Variants in HPSE2 observed in about 807,000 individuals in gnomAD.
HPSE2 encodes inactive heparanase-2.
HPSE2 carries 38 observed loss-of-function variants against 60.5 expected under a neutral mutation model. The observed-to-expected ratio is 0.63, with a 90% CI of 0.48 to 0.82. The LOEUF (loss-of-function observed/expected upper bound fraction) is 0.82, where lower values mean the gene tolerates loss of function less well. HPSE2 is among the 40% of genes least tolerant of loss of function. HPSE2 has a pLI of 0.00. For missense variants in HPSE2, 713 were observed against 740.4 expected (o/e 0.96, Z 0.43); for synonymous variants, 295 against 293.2 (o/e 1.01, Z -0.06).
rs951023347 is a variant in HPSE2 at position 99,058,154 on chromosome 10, C to T, written c.610+86084G>A. On this transcript the variant is annotated intron_variant, in intron 3 of 11. Transcript: ENST00000370552. ...AGGGTTCCGGCAGAAAGGCAGATTG[C>T]CTGACTGGGAGAGATTCTCCACAGC... is the stretch of plus-strand genomic sequence containing the variant. Among the ~76,000 whole-genome samples, 11 of 152,270 alleles carry T rather than the reference C, an allele frequency of 7.2e-5. No individual in the cohort carries two copies. The East Asian group carries it at 1.7e-3, about 24-fold the overall frequency.
intron 3 of HPSE2, among the ~76,000 whole-genome samples, chr10:98,911,339 C>T (rs1953973041): frequency 6.6e-6 from 1 of 152,138 alleles, no homozygotes. Context: ...GGAATAGATA[C>T]ATAAATGATT....
chr10:98,605,895 G>A (rs865926682), intron 9 of HPSE2, among the ~76,000 whole-genome samples: 1 of 152,194 alleles, frequency 6.6e-6, no homozygotes. Context: ...TGCTGTTCCT[G>A]TTGAGCGATG....
chr10:98,593,065 T>C (rs1000811672), intron 9 of HPSE2, among the ~76,000 whole-genome samples: 4 of 152,230 alleles, frequency 2.6e-5, no homozygotes, highest in African/African-American at 9.6e-5. Flanking sequence ...TTAATAATAC[T>C]TCACTATGTA....
At chr10:98,592,008 G>C (rs1044372152) in intron 9 of HPSE2, among the ~76,000 whole-genome samples, 1 of 152,154 alleles carries the variant, frequency 6.6e-6, no homozygotes, top group Non-Finnish European at 1.5e-5. Flanking sequence ...TGCATTTACA[G>C]CTTCAAACAG....
At chr10:98,717,522 C>T (rs1173121118) in intron 5 of HPSE2, among the ~76,000 whole-genome samples, 1 of 151,990 alleles carries the variant, frequency 6.6e-6, no homozygotes, top group African/African-American at 2.4e-5. Context: ...CACTCAGAGG[C>T]CATTGTAGTG....
chr10:98,513,444 A>G (rs1942489155), intron 9 of HPSE2, among the ~76,000 whole-genome samples: 1 of 152,168 alleles, frequency 6.6e-6, no homozygotes, highest in African/African-American at 2.4e-5. Context: ...GAGACCCGTG[A>G]AGCCCTCAAC....
intron 3 of HPSE2, among the ~76,000 whole-genome samples, chr10:98,865,172 T>C (rs1041177054): frequency 3.3e-5 from 5 of 152,082 alleles, no homozygotes; most frequent in Non-Finnish European, 2.9e-5. Flanking sequence ...GCTGAGAACC[T>C]TTCTTCCCAA....
chr10:98,568,292 A>G (rs181797839), intron 9 of HPSE2, among the ~76,000 whole-genome samples: 21 of 152,322 alleles, frequency 1.4e-4, no homozygotes, highest in African/African-American at 5.1e-4. Context: ...CGAGCAAGTT[A>G]CTTTAACTTC....
chr10:98,643,752 A>G (rs1436420400), intron 6 of HPSE2, among the ~76,000 whole-genome samples: 1 of 152,228 alleles, frequency 6.6e-6, no homozygotes, highest in Non-Finnish European at 1.5e-5. Flanking sequence ...AAAGCCAGGC[A>G]TGTTGAGACA....
chr10:98,620,014 T>A (rs1161774340), intron 8 of HPSE2, among the ~76,000 whole-genome samples: 2 of 152,372 alleles, frequency 1.3e-5, no homozygotes, highest in Admixed American at 6.5e-5. Context: ...CTTTCAGTTT[T>A]CTCATCCGTA....
At chr10:98,583,454 A>G (rs11189690) in intron 9 of HPSE2, among the ~76,000 whole-genome samples, 91,093 of 152,052 alleles carry the variant, frequency 0.6, 27,943 homozygotes, top group Middle Eastern at 0.7. Flanking sequence ...CCCAGACACC[A>G]TCCACTGGTA....
At chr10:99,235,991 G>C, upstream of HPSE2, 2 of 387,236 alleles carry the variant, frequency 5.2e-6, no homozygotes, top group South Asian at 6.7e-5. Flanking sequence ...CGCTCGTTTT[G>C]TTTTTTTCTT....
chr10:98,522,764 C>T (rs867000654), intron 9 of HPSE2, among the ~76,000 whole-genome samples: 3 of 152,202 alleles, frequency 2.0e-5, no homozygotes, highest in African/African-American at 7.2e-5. Context: ...AGGCGTGAGC[C>T]ACCGTGTCCC....
intron 9 of HPSE2, among the ~76,000 whole-genome samples, chr10:98,503,874 G>A (rs1191089327): frequency 6.6e-6 from 1 of 152,122 alleles, no homozygotes; most frequent in African/African-American, 2.4e-5. Context: ...AGTGGGAGGG[G>A]AGCAAGCGAT....
the HPSE2 span, among the ~76,000 whole-genome samples, chr10:99,305,973 G>GCACA: frequency 0.013 from 583 of 44,008 alleles, 9 homozygotes; most frequent in African/African-American, 0.038. Context: ...GCGCGCGCGC[G>GCACA]CGCGCGCACA....
intron 3 of HPSE2, among the ~76,000 whole-genome samples, chr10:98,947,988 A>G (rs1955239774): frequency 1.3e-5 from 2 of 152,066 alleles, no homozygotes; most frequent in Admixed American, 1.3e-4. Context: ...CGTGTCCCCA[A>G]ACACAACATT....
chr10:99,085,742 A>C (rs1843293491), intron 3 of HPSE2, among the ~76,000 whole-genome samples: 1 of 152,232 alleles, frequency 6.6e-6, no homozygotes, highest in Admixed American at 6.5e-5. Flanking sequence ...AAAAACAGTA[A>C]GAAATGTGTA....
chr10:98,775,464 T>C (rs748640932), intron 3 of HPSE2, among the ~76,000 whole-genome samples: 2 of 152,188 alleles, frequency 1.3e-5, no homozygotes, highest in Non-Finnish European at 2.9e-5. Flanking sequence ...TCTAGTCTAG[T>C]TGGGGCAAAT....
chr10:98,869,287 A>G (rs543690331), intron 3 of HPSE2, among the ~76,000 whole-genome samples: 4 of 152,134 alleles, frequency 2.6e-5, no homozygotes, highest in Non-Finnish European at 5.9e-5. Flanking sequence ...TTAGTTAAAT[A>G]AAAATTATAA....
Sources: allele counts gnomAD v4.1 joint callset (sites outside exome capture counted in the v4.1 genomes callset), GRCh38; gene constraint gnomAD v4.1.1; transcripts MANE v1.5; gene names NCBI Gene and HGNC (gene_info 2026-07-23, HGNC 2026-07-21).